Variants in SLC4A4 observed in about 807,000 individuals in gnomAD.
SLC4A4 encodes the protein solute carrier family 4 member 4.
In SLC4A4, 27 loss-of-function variants were observed where a neutral mutation model predicts 111.5. That is an observed-to-expected ratio of 0.24 (90% CI 0.18 to 0.33). SLC4A4 has a LOEUF of 0.33. SLC4A4 is among the 10% of genes least tolerant of loss of function. The pLI, the probability that SLC4A4 is intolerant of heterozygous loss-of-function variation, is 1.00. For missense variants in SLC4A4, 909 were observed against 1,315.5 expected, an observed-to-expected ratio of 0.69 and a Z score of 4.78; for synonymous variants, 443 against 463.4, an observed-to-expected ratio of 0.96 and a Z score of 0.57.
At chr4:71,293,446 C>G (rs1233210611) in intron 3 of SLC4A4, among the ~76,000 whole-genome samples, 1 of 151,620 alleles carries the variant, frequency 6.6e-6, no homozygotes, top group Non-Finnish European at 1.5e-5. Flanking sequence ...ACCTGTAGTC[C>G]TAGCTACTTG....
intron 23 of SLC4A4, among the ~76,000 whole-genome samples, chr4:71,562,173 C>T (rs1187760512): frequency 1.3e-5 from 2 of 151,798 alleles, no homozygotes; most frequent in South Asian, 2.1e-4. Flanking sequence ...GCCAAAGTGT[C>T]GTACTTGTTT....
At chr4:71,513,062 G>A (rs542752904) in intron 16 of SLC4A4, among the ~76,000 whole-genome samples, 6 of 152,126 alleles carry the variant, frequency 3.9e-5, no homozygotes, top group Non-Finnish European at 8.8e-5. Flanking sequence ...GTCAGATAAT[G>A]TGATGCCTCC....
intron 6 of SLC4A4, among the ~76,000 whole-genome samples, chr4:71,388,625 C>G (rs533524967): frequency 9.2e-5 from 14 of 152,218 alleles, no homozygotes; most frequent in African/African-American, 3.4e-4. Context: ...CCAACTGCAA[C>G]CTTTAACTCC....
chr4:71,387,746 G>A (rs1181903343), intron 6 of SLC4A4, among the ~76,000 whole-genome samples: 2 of 152,198 alleles, frequency 1.3e-5, no homozygotes, highest in South Asian at 2.1e-4. Context: ...TGCCCGCCTC[G>A]GCCTCCGAAG....
At chr4:71,244,283 G>T (rs529572681) in intron 2 of SLC4A4, among the ~76,000 whole-genome samples, 1 of 152,114 alleles carries the variant, frequency 6.6e-6, no homozygotes, top group African/African-American at 2.4e-5. Flanking sequence ...TTCTGTTCCT[G>T]GTCTGCCACT....
intron 14 of SLC4A4, among the ~76,000 whole-genome samples, chr4:71,481,842 A>G (rs548086179): frequency 2.6e-5 from 4 of 151,814 alleles, no homozygotes; most frequent in Admixed American, 2.6e-4. Flanking sequence ...AAAACGATCA[A>G]CCTGTGGAAG....
intron 2 of SLC4A4, among the ~76,000 whole-genome samples, chr4:71,141,652 T>C (rs139556843): frequency 6.6e-6 from 1 of 152,322 alleles, no homozygotes; most frequent in East Asian, 1.9e-4. Flanking sequence ...TAAAAACTTG[T>C]TTGTATTTTG....
At chr4:71,513,048 T>C (rs1299677049) in intron 16 of SLC4A4, among the ~76,000 whole-genome samples, 1 of 152,214 alleles carries the variant, frequency 6.6e-6, no homozygotes, top group Non-Finnish European at 1.5e-5. Flanking sequence ...TAATATATCT[T>C]GAAGTCAGAT....
intron 18 of SLC4A4, among the ~76,000 whole-genome samples, chr4:71,538,302 A>G (rs1473915052): frequency 6.6e-6 from 1 of 152,162 alleles, no homozygotes; most frequent in Non-Finnish European, 1.5e-5. Flanking sequence ...TATTTTCAGT[A>G]GAAAACATTA....
chr4:71,173,133 C>T (rs185018226), intron 2 of SLC4A4, among the ~76,000 whole-genome samples: 83 of 152,266 alleles, frequency 5.5e-4, no homozygotes, highest in Non-Finnish European at 9.0e-4. Context: ...TAGAAGAAAA[C>T]ACCATTGAAA....
rs184459748 is a variant in SLC4A4, at chr4:71,085,235, C to T, written c.-64-7495C>T. The stretch of plus-strand genomic sequence containing the variant: ...AAAGTGTCTGTTCATATCCTTCGCC[C>T]ACTTTTTGATGGGTTTGTTTGTTTT... On this transcript the variant is annotated intron_variant, in intron 1 of 26. Transcript: ENST00000649996. Among the ~76,000 whole-genome samples, 12 of 152,096 alleles carry T rather than the reference C, an allele frequency of 7.9e-5. No individual in the cohort carries two copies. The East Asian group carries it at 1.7e-3, about 22-fold the overall frequency.
intron 2 of SLC4A4, among the ~76,000 whole-genome samples, chr4:71,129,751 T>C (rs1282814809): frequency 1.9e-5 from 2 of 104,474 alleles, no homozygotes; most frequent in East Asian, 2.7e-4. Context: ...ATAAAGAAAA[T>C]GTGGTACATA....
chr4:71,466,464 G>A lies in SLC4A4; in HGVS notation c.1518G>A (p.Leu506=). Residue 506 remains leucine, a synonymous_variant, in exon 13 of 26, where the codon CTG becomes CTA. Transcript: ENST00000264485. ...DNMQGVLESF[L]GTAVSGAIFC... Reference sequence around the variant, plus strand: ...TTTAGGGCGTGTTGGAGAGTTTCCTGGGCACTGCTGTCTCTGGAGCCATCT... The same window carrying A: ...TTTAGGGCGTGTTGGAGAGTTTCCTAGGCACTGCTGTCTCTGGAGCCATCT... The A allele has an allele frequency of 1.2e-6, 2 of 1,613,594 alleles. No individual in the cohort carries two copies. The highest frequency in any genetic ancestry group is 1.7e-4 in the Middle Eastern group (1 of 6,054).
chr4:71,358,823 A>G (rs1481283308), intron 6 of SLC4A4, among the ~76,000 whole-genome samples: 1 of 152,180 alleles, frequency 6.6e-6, no homozygotes, highest in Non-Finnish European at 1.5e-5. Context: ...TTAACAATTT[A>G]TATTTTTGAA....
At chr4:71,306,335 C>T (rs142931225) in intron 3 of SLC4A4, among the ~76,000 whole-genome samples, 1 of 152,200 alleles carries the variant, frequency 6.6e-6, no homozygotes, top group South Asian at 2.1e-4. Context: ...GTAATCCCAG[C>T]ACTTTGGGAG....
rs76432660 is a variant in SLC4A4, at chr4:71,504,482, A to G, written c.2166+6790A>G. 8.9e-3 allele frequency among the ~76,000 whole-genome samples: 1,339 copies of G among 150,934 alleles called. 20 individuals carry two copies. Among genetic ancestry groups the G allele is most frequent in the African/African-American group, 0.03 (1,226 of 41,154 alleles). ...GATTTCTGTTTGATTCTTTTTTATGATATCTTTCACTTTTTTGAATTTTTC... is the reference window on the plus strand; with the variant it reads ...GATTTCTGTTTGATTCTTTTTTATGGTATCTTTCACTTTTTTGAATTTTTC... On this transcript the variant is annotated intron_variant, in intron 16 of 25. Coordinates refer to ENST00000264485, the MANE Select transcript of SLC4A4 (RefSeq NM_001098484.3).
At chr4:71,128,442 A>G (rs1374059911) in intron 2 of SLC4A4, among the ~76,000 whole-genome samples, 41 of 152,130 alleles carry the variant, frequency 2.7e-4, no homozygotes, top group African/African-American at 4.8e-5. Flanking sequence ...GAGCCAAACC[A>G]TATCAAAGAC....
At chr4:71,204,021 C>A (rs1358192771) in intron 1 of SLC4A4, among the ~76,000 whole-genome samples, 3 of 152,156 alleles carry the variant, frequency 2.0e-5, no homozygotes, top group Non-Finnish European at 4.4e-5. Flanking sequence ...TTTATATTTT[C>A]TCTGAAAACC....
At chr4:71,092,432 G>A (rs1230260994) in intron 1 of SLC4A4, among the ~76,000 whole-genome samples, 1 of 152,102 alleles carries the variant, frequency 6.6e-6, no homozygotes, top group African/African-American at 2.4e-5. Flanking sequence ...GTAAGAATTA[G>A]TAGATAAATT....
Sources: gnomAD v4.1 joint callset for allele counts (sites outside exome capture counted in the v4.1 genomes callset) on GRCh38, gnomAD v4.1.1 for gene constraint, MANE v1.5 for transcripts, NCBI Gene and HGNC (gene_info 2026-07-23, HGNC 2026-07-21) for gene names.